DNAH10: variants seen among roughly 807,000 people sequenced by gnomAD.
The protein encoded by DNAH10 is axonemal beta dynein heavy chain 10.
Under a neutral mutation model 506.6 loss-of-function variants are expected in DNAH10, and 348 were observed. The ratio of observed to expected loss-of-function variants is 0.69; its 90% CI spans 0.63 to 0.75. The LOEUF (loss-of-function observed/expected upper bound fraction) is 0.75. Ranked by LOEUF, DNAH10 falls within the 30% of genes least tolerant of loss-of-function variation. The probability of loss-of-function intolerance (pLI) is 0.00; values close to 1 mark genes in which losing one functional copy is unlikely to be tolerated. For missense variants in DNAH10, 5,179 were observed against 5,787.1 expected, an observed-to-expected ratio of 0.89 and a Z score of 3.41; for synonymous variants, 2,059 against 2,198.6, an observed-to-expected ratio of 0.94 and a Z score of 1.78.
At position 123,830,576 on chromosome 12, in the gene DNAH10, T is replaced by C. The variant is rs779544592; in HGVS notation, c.4422T>C (p.Ser1474=). 1 of 1,613,748 alleles carries C rather than the reference T, an allele frequency of 6.2e-7. No individual in the cohort carries two copies. The highest frequency in any genetic ancestry group is 1.7e-5 in the Admixed American group (1 of 59,984). ...RHWKELMEKT[S]VFFEMTETFT... ...GGAAAGAACTTATGGAAAAAACGTC[T>C]GTCTTTTTTGAAATGACCGAAACGT... is the stretch of plus-strand genomic sequence containing the variant. Residue 1474 remains serine, a synonymous_variant, in exon 26 of 79, where the codon TCT becomes TCC. Transcript: ENST00000673944.
At chr12:123,869,802 G>A (rs1392796571) in intron 43 of DNAH10, among the ~76,000 whole-genome samples, 4 of 152,188 alleles carry the variant, frequency 2.6e-5, no homozygotes, top group Admixed American at 2.6e-4. Flanking sequence ...TCTTAGACAT[G>A]CTCAAGTAAA....
intron 4 of DNAH10, among the ~76,000 whole-genome samples, chr12:123,773,507 G>A (rs1481273228): frequency 2.0e-5 from 3 of 152,202 alleles, no homozygotes; most frequent in African/African-American, 7.2e-5. Context: ...ATTGCCATAG[G>A]CTGGGGGGCT....
chr12:123,840,274 G>A (rs540622728), intron 29 of DNAH10, among the ~76,000 whole-genome samples: 60 of 151,864 alleles, frequency 4.0e-4, no homozygotes, highest in African/African-American at 1.3e-3. Context: ...AGGAACGAGT[G>A]CTTTCTCCTA....
At chr12:123,851,694 G>A (rs933776753) in intron 35 of DNAH10, among the ~76,000 whole-genome samples, 2 of 152,186 alleles carry the variant, frequency 1.3e-5, no homozygotes, top group Admixed American at 6.5e-5. Context: ...TGGCGTGTGC[G>A]TGTAGTTAGT....
In DNAH10 at chr12:123,841,326, A is replaced by C; in HGVS notation, c.5141A>C (p.Tyr1714Ser). Residue 1714 changes from tyrosine to serine, a missense_variant, in exon 30 of 79, where the codon TAC (tyrosine) becomes TCC (serine). Transcript: ENST00000673944. ...GCTGCCTCTCCCTGTTTGCAGATGT[A>C]CGACAACATAGCATCACTGAGGTTT... Reference protein sequence around the residue: ...LCVQEHMIKMYDNIASLRFND... With the variant: ...LCVQEHMIKMSDNIASLRFND... The C allele has an allele frequency of 1.2e-6, 2 of 1,613,978 alleles. No individual in the cohort carries two copies. Among genetic ancestry groups the C allele is most frequent in the Non-Finnish European group, 1.7e-6 (2 of 1,179,876 alleles).
intron 29 of DNAH10, among the ~76,000 whole-genome samples, chr12:123,841,095 C>T (rs1950759301): frequency 1.3e-5 from 2 of 152,236 alleles, no homozygotes; most frequent in Admixed American, 1.3e-4. Flanking sequence ...TTTCTCTTTT[C>T]AATCCTCCAC....
At chr12:123,898,052 T>A in intron 55 of DNAH10, 85 bp downstream of exon 55, 1 of 1,323,862 alleles carries the variant, frequency 7.6e-7, no homozygotes, top group Non-Finnish European at 1.0e-6. Flanking sequence ...TTTAGTAAGA[T>A]GGGGCATCTT....
Position 123,935,379 on chromosome 12 carries a change from C to A in DNAH10, c.13668C>A (p.Asn4556Lys), listed in dbSNP as rs750482067. 4 of 1,611,684 alleles carry A rather than the reference C, an allele frequency of 2.5e-6. No homozygotes were observed. The highest frequency in any genetic ancestry group is 3.4e-6 in the Non-Finnish European group (4 of 1,177,866). ...TPVYTTSMRR[N>K]AMGVGLVFEA... The stretch of plus-strand genomic sequence containing the variant: ...TCTACACCACCTCCATGAGAAGGAA[C>A]GCCATGGGAGTCGGCTTGGTTTTTG... Residue 4556 changes from asparagine (N) to lysine (K), a missense_variant, in exon 79 of 79, where the codon AAC (asparagine) becomes AAA (lysine). Transcript: ENST00000673944.
rs891718254 is a variant in DNAH10 at position 123,925,647 on chromosome 12, C to G, written c.11921+443C>G. ...GCCACATTTTAAGTGCTGTGCCTCA[C>G]GGCCATCGCACTGGACAATGTAGCT... On this transcript the variant is annotated intron_variant, in intron 68 of 78. Transcript: ENST00000673944. The surrounding 1 kb of genome is among the most constrained non-coding windows in gnomAD (Gnocchi z 4.0). 1 of 165,818 alleles carries G rather than the reference C, an allele frequency of 6.0e-6. No homozygotes were observed. The highest frequency in any genetic ancestry group is 2.4e-5 in the African/African-American group (1 of 41,614). 10.3% of individuals were successfully genotyped at this position (165,818 alleles called of 1,614,324 possible).
At chr12:123,778,958 A>G (rs117075581) in intron 5 of DNAH10, among the ~76,000 whole-genome samples, 13,593 of 150,576 alleles carry the variant, frequency 0.09, 1,071 homozygotes, top group African/African-American at 0.22. Context: ...GGAGTGTAGT[A>G]GTGCGATCTC....
chr12:123,884,223 C>T (rs1008179306), intron 51 of DNAH10, among the ~76,000 whole-genome samples: 11 of 152,132 alleles, frequency 7.2e-5, no homozygotes, highest in African/African-American at 1.4e-4. Context: ...TTACTAGAGA[C>T]GGGGTTTCGC....
intron 29 of DNAH10, 77 bp downstream of exon 29, chr12:123,838,766 A>G: frequency 2.2e-6 from 3 of 1,352,142 alleles, no homozygotes; most frequent in East Asian, 4.6e-5. Flanking sequence ...TCCCTTTGCC[A>G]TGAGGTTCAA....
intron 62 of DNAH10, among the ~76,000 whole-genome samples, chr12:123,915,387 C>T (rs1029682078): frequency 2.0e-4 from 30 of 152,260 alleles, no homozygotes; most frequent in Middle Eastern, 3.4e-3. Context: ...CACACCTTTC[C>T]CCCACTGAAA....
Position 123,913,063 on chromosome 12 carries a change from T to G in DNAH10, c.10135-35T>G. 8 of 1,572,888 alleles carry G rather than the reference T, an allele frequency of 5.1e-6. No homozygotes were observed. The highest frequency in any genetic ancestry group is 6.0e-6 in the Non-Finnish European group (7 of 1,158,082). On this transcript the variant is annotated intron_variant, in intron 59 of 78. Coordinates refer to ENST00000673944, the MANE Select transcript of DNAH10 (RefSeq NM_001372106.1). The surrounding 1 kb of genome is among the most constrained non-coding windows in gnomAD (Gnocchi z 5.1). ...TGGGATCGCGGCCCCACCACGGTCC[T>G]TTTCCCCATCTTTTTGCAAATTGTC...
At position 123,814,475 on chromosome 12, in the gene DNAH10, T is replaced by G. The variant is rs75173259; in HGVS notation, c.3780+563T>G. ...TTTGTGAGCTCCACATCCTAACCAC[T>G]AGGCTGCAAGGGTCCTGGTGTTTGA... is the stretch of plus-strand genomic sequence containing the variant. On this transcript the variant is annotated intron_variant, in intron 21 of 78. Coordinates refer to ENST00000673944, the MANE Select transcript of DNAH10 (RefSeq NM_001372106.1). 1.5e-3 allele frequency among the ~76,000 whole-genome samples: 236 copies of G among 152,298 alleles called. 2 individuals are homozygous for G. The East Asian group carries it at 0.043, about 28-fold the overall frequency.
chr12:123,935,594 A>AT lies in DNAH10; in HGVS notation c.*118dup, dbSNP rs1052397355. On this transcript the variant is annotated 3_prime_UTR_variant, in exon 79 of 79. Transcript: ENST00000673944. The stretch of plus-strand genomic sequence containing the variant: ...AGAGGCAGGAGGGGGACTGACACTG[A>AT]TTTTTCATTTGAAATCAGCCACTTA... 4.3e-6 allele frequency: 5 copies of AT among 1,176,296 alleles called. No homozygotes were observed. The highest frequency in any genetic ancestry group is 5.8e-6 in the Non-Finnish European group (5 of 862,360). The allele number at this position is 1,176,296 out of a possible 1,614,324, so 72.9% of individuals were successfully genotyped here. A position where few individuals can be genotyped will look rare whatever the true frequency, so the allele number is the denominator to read the frequency against.
chr12:123,850,220 C>A lies in DNAH10; in HGVS notation c.6103-668C>A, dbSNP rs537603883. Among the ~76,000 whole-genome samples the A allele has an allele frequency of 5.3e-5, 8 of 151,512 alleles. No individual in the cohort carries two copies. Among genetic ancestry groups the A allele is most frequent in the Admixed American group, 1.3e-4 (2 of 15,230 alleles). ...GTCCTCTGCCTGGCTGGTGGACAAT[C>A]AAAAAAAATAAAATAGAAAACTTCA... On this transcript the variant is annotated intron_variant, in intron 34 of 78. Coordinates refer to ENST00000673944, the MANE Select transcript of DNAH10 (RefSeq NM_001372106.1). This position sits in a 1 kb window ranked among gnomAD's most constrained non-coding sequence, Gnocchi z 5.5.
At chr12:123,918,622 C>T (rs1364781959) in intron 64 of DNAH10, 54 bp from the exon 65 acceptor site, 43 of 1,522,114 alleles carry the variant, frequency 2.8e-5, no homozygotes, top group Non-Finnish European at 3.7e-5. Flanking sequence ...CCCTCCTGCC[C>T]TCTGCCCACA....
chr12:123,781,439 C>A, intron 6 of DNAH10, 140 bp downstream of exon 6: 1 of 809,312 alleles, frequency 1.2e-6, no homozygotes, highest in Non-Finnish European at 1.9e-6. Flanking sequence ...CTCACTTTGT[C>A]GCTCAGGCTG....
Sources: allele counts gnomAD v4.1 joint callset (sites outside exome capture counted in the v4.1 genomes callset), GRCh38; gene constraint gnomAD v4.1.1; non-coding constraint Gnocchi (gnomAD v3.1); transcripts MANE v1.5; gene names NCBI Gene and HGNC (gene_info 2026-07-23, HGNC 2026-07-21).